The following ZFYVE19 variants were observed in gnomAD, a reference collection of about 807,000 sequenced individuals.
ZFYVE19 encodes the protein zinc finger FYVE-type containing 19.
Under a neutral mutation model 62.8 loss-of-function variants are expected in ZFYVE19, and 49 were observed. The ratio of observed to expected loss-of-function variants is 0.78; its 90% confidence interval spans 0.62 to 0.99. ZFYVE19 has a LOEUF of 0.99. Among genes scored for constraint, ZFYVE19 ranks in the 50% least tolerant of loss-of-function variants. The probability of loss-of-function intolerance (pLI) is 0.00; values close to 1 mark genes in which losing one functional copy is unlikely to be tolerated. For missense variants in ZFYVE19, 630 were observed against 601.9 expected (o/e 1.05, Z -0.49); for synonymous variants, 242 against 234.3 (o/e 1.03, Z -0.30).
chr15:40,812,998 C>G, intron 7 of ZFYVE19, 96 bp downstream of exon 7: 4 of 1,366,544 alleles, frequency 2.9e-6, no homozygotes, highest in Non-Finnish European at 4.0e-6. Flanking sequence ...GCCCAGAGAT[C>G]TACTGAGCCC....
In ZFYVE19 at chr15:40,808,042, A is replaced by G. The variant is rs191321119; in HGVS notation, c.279+174A>G. 2.7e-4 allele frequency: 292 copies of G among 1,067,852 alleles called. 2 individuals are homozygous for G. The Admixed American group carries it at 5.7e-3, about 21-fold the overall frequency. The allele number at this position is 1,067,852 out of a possible 1,614,324, so 66.1% of individuals were successfully genotyped here. ...ATGGGGCTAACATTCTCTCGCTTTC[A>G]GGGTTTATGTGAGGGTCCACTGAAG... On this transcript the variant is annotated intron_variant, in intron 1 of 10. Transcript: ENST00000355341.
At chr15:40,809,025 T>G (rs1890383865) in intron 1 of ZFYVE19, 94 bp from the exon 2 acceptor site, 1 of 1,555,714 alleles carries the variant, frequency 6.4e-7, no homozygotes, top group South Asian at 1.2e-5. Flanking sequence ...GGTCATAACT[T>G]CAGTGACTTC....
Position 40,807,433 on chromosome 15 carries a change from T to C in ZFYVE19, c.-157T>C. 6.2e-7 allele frequency: 1 copy of C among 1,614,262 alleles called. No homozygotes were observed. The highest frequency in any genetic ancestry group is 1.1e-5 in the South Asian group (1 of 91,090). On this transcript the variant is annotated 5_prime_UTR_variant, in exon 1 of 11. Transcript: ENST00000355341. ...GTACAGGTCCATCTGTAAGAGCTCC[T>C]TGGTCACTGCCATGGTTCCGGCCTG...
chr15:40,814,130 T>C lies in ZFYVE19; in HGVS notation c.1338-18T>C. The C allele has an allele frequency of 3.7e-6, 6 of 1,614,212 alleles. No homozygotes were observed. The highest frequency in any genetic ancestry group is 5.1e-6 in the Non-Finnish European group (6 of 1,180,040). The stretch of plus-strand genomic sequence containing the variant: ...AAGGGCTGCCTGGATCCCTGACTTG[T>C]ATCCCTTTGTTCCACAGAGAGGGCC... On this transcript the variant is annotated intron_variant, in intron 10 of 10. Transcript: ENST00000355341.
intron 6 of ZFYVE19, among the ~76,000 whole-genome samples, 154 bp from the exon 7 acceptor site, chr15:40,812,545 C>CAAA (rs373468873): frequency 2.1e-5 from 1 of 46,630 alleles, no homozygotes; most frequent in African/African-American, 9.2e-5. Flanking sequence ...GACTCCATCT[C>CAAA]AAAAAAAAAA....
chr15:40,809,733 C>T, intron 3 of ZFYVE19, 119 bp from the exon 4 acceptor site: 2 of 1,132,624 alleles, frequency 1.8e-6, no homozygotes, highest in Non-Finnish European at 2.6e-6. Flanking sequence ...CAGCAGATTG[C>T]CCATTGGAGG....
intron 6 of ZFYVE19, 142 bp from the exon 7 acceptor site, chr15:40,812,557 A>AAAAAG (rs1555385530): frequency 1.8e-4 from 84 of 464,972 alleles, no homozygotes; most frequent in African/African-American, 6.5e-4. Context: ...AAAAAAAAAA[A>AAAAAG]AAAGAAAGAA....
At chr15:40,808,176 A>C in intron 1 of ZFYVE19, 1 of 1,448,604 alleles carries the variant, frequency 6.9e-7, no homozygotes, top group South Asian at 1.3e-5. Flanking sequence ...TCTTCTCTCC[A>C]CCCTGCTCCT....
intron 6 of ZFYVE19, chr15:40,810,975 A>G (rs1357449920): frequency 1.9e-5 from 10 of 527,546 alleles, no homozygotes; most frequent in Non-Finnish European, 3.3e-5. Context: ...CATTTCTACC[A>G]CGTATTAGCT....
chr15:40,809,084 T>G (rs1596112885), intron 1 of ZFYVE19, 35 bp from the exon 2 acceptor site: 2 of 1,608,822 alleles, frequency 1.2e-6, no homozygotes, highest in Non-Finnish European at 1.7e-6. Context: ...CAGGGGCGGG[T>G]GAGAGGGGGA....
Position 40,813,397 on chromosome 15 carries a change from A to G in ZFYVE19, c.1090A>G (p.Ile364Val). ...SDDDEDEETA[I>V]QRVLQQLTEE... Reference sequence around the variant, plus strand: ...TGACGACGAGGATGAGGAGACAGCCATCCAAAGAGTCCTGCAGCAGGTGGG... The same window carrying G: ...TGACGACGAGGATGAGGAGACAGCCGTCCAAAGAGTCCTGCAGCAGGTGGG... The change falls in exon 8 of 11, where the codon ATC becomes GTC. Residue 364 changes from isoleucine (I) to valine (V), a missense_variant. Ile to Val is a conservative substitution (Grantham distance 29). Transcript: ENST00000355341. The G allele has an allele frequency of 6.2e-7, 1 of 1,609,538 alleles. No homozygotes were observed. Among genetic ancestry groups the G allele is most frequent in the Non-Finnish European group, 8.5e-7 (1 of 1,177,926 alleles).
In ZFYVE19 at chr15:40,807,671, G is replaced by T. The variant is rs1414666081; in HGVS notation, c.82G>T (p.Gly28Cys). 6.2e-7 allele frequency: 1 copy of T among 1,611,274 alleles called. No homozygotes were observed. The highest frequency in any genetic ancestry group is 2.2e-5 in the East Asian group (1 of 44,858). ...CRRASGFPALGRGGTVPVGVW... is the reference protein window; with the variant it reads ...CRRASGFPALCRGGTVPVGVW... ...GAGAGCGTCCGGATTCCCTGCTCTAGGTCGCGGCGGGACAGTGCCAGTGGG... is the reference window on the plus strand; with the variant it reads ...GAGAGCGTCCGGATTCCCTGCTCTATGTCGCGGCGGGACAGTGCCAGTGGG... The change falls in exon 1 of 11, where the codon GGT (glycine) becomes TGT (cysteine). Residue 28 changes from glycine (G) to cysteine (C), a missense_variant. By Grantham distance (159) the Gly-to-Cys change is radical. Transcript: ENST00000355341.
rs1478136120 is a variant in ZFYVE19 at position 40,807,616 on chromosome 15, G to T, written c.27G>T (p.Pro9=). MNYDSQQP[P]LPPLPYAGCR... is the part of the protein sequence containing the mutation. ...TGAACTACGACTCCCAGCAGCCCCC[G>T]TTGCCGCCGCTGCCGTACGCTGGCT... Residue 9 remains proline, a synonymous_variant, in exon 1 of 11, where the codon CCG becomes CCT. Transcript: ENST00000355341. 1 of 1,612,828 alleles carries T rather than the reference G, an allele frequency of 6.2e-7. No homozygotes were observed. Among genetic ancestry groups the T allele is most frequent in the Admixed American group, 1.7e-5 (1 of 59,918 alleles).
chr15:40,810,299 C>A lies in ZFYVE19; in HGVS notation c.717+83C>A, dbSNP rs1043006003. On this transcript the variant is annotated intron_variant, in intron 5 of 10. Coordinates refer to ENST00000355341, the MANE Select transcript of ZFYVE19 (RefSeq NM_001077268.2). ...CCCAGATACAGGTATTGGGGTGATACAAAAGTAATTGTGGTTTTTGTCATT... is the reference window on the plus strand; with the variant it reads ...CCCAGATACAGGTATTGGGGTGATAAAAAAGTAATTGTGGTTTTTGTCATT... The A allele has an allele frequency of 9.7e-6, 15 of 1,543,278 alleles. No individual in the cohort carries two copies. The African/African-American group carries it at 1.1e-4, about 11-fold the overall frequency.
At position 40,807,093 on chromosome 15, in the gene ZFYVE19, C is replaced by T. The variant is rs944202088; in HGVS notation, c.-497C>T. On this transcript the variant is annotated 5_prime_UTR_variant, in exon 1 of 11. Transcript: ENST00000355341. ...GCAGGCGCAGAGGAGGCTAGCGTTC[C>T]TTGCTGCCTCGCCCCGCGGCCTCTA... 1.4e-6 allele frequency: 1 copy of T among 712,536 alleles called. No individual in the cohort carries two copies. The highest frequency in any genetic ancestry group is 1.9e-5 in the South Asian group (1 of 51,736). The allele number at this position is 712,536 out of a possible 1,614,324, so 44.1% of individuals were successfully genotyped here.
chr15:40,813,854 C>T (rs1890581284), intron 9 of ZFYVE19, 43 bp downstream of exon 9: 3 of 1,600,718 alleles, frequency 1.9e-6, no homozygotes, highest in Non-Finnish European at 2.6e-6. Flanking sequence ...TCCCCCCAGC[C>T]TTGCTTCCTG....
intron 6 of ZFYVE19, 108 bp from the exon 7 acceptor site, chr15:40,812,591 A>C: frequency 2.8e-6 from 1 of 352,060 alleles, no homozygotes; most frequent in Non-Finnish European, 4.5e-6. Context: ...GAAAGAAAGA[A>C]AAAATTATTA....
intron 8 of ZFYVE19, 28 bp downstream of exon 8, chr15:40,813,445 C>T (rs201570267): frequency 6.4e-7 from 1 of 1,574,702 alleles, no homozygotes; most frequent in Non-Finnish European, 8.6e-7. Context: ...ACCTGCCACC[C>T]CTTGTCCCGT....
At chr15:40,809,039 CTG>C (rs1270223307) in intron 1 of ZFYVE19, 78 bp from the exon 2 acceptor site, 1 of 1,576,780 alleles carries the variant, frequency 6.3e-7, no homozygotes, top group Non-Finnish European at 8.7e-7. Context: ...TGACTTCTCT[CTG>C]TGTGTGCTTG....
Sources: gnomAD v4.1 joint callset for allele counts (sites outside exome capture counted in the v4.1 genomes callset) on GRCh38, gnomAD v4.1.1 for gene constraint, MANE v1.5 for transcripts, NCBI Gene and HGNC (gene_info 2026-07-23, HGNC 2026-07-21) for gene names.